SNTA1: variants seen among roughly 807,000 people sequenced by gnomAD.
SNTA1 encodes alpha-1-syntrophin.
A neutral mutation model predicts 47.1 loss-of-function variants in SNTA1; 31 were observed. The observed-to-expected ratio is 0.66, with a 90% CI of 0.49 to 0.89. The LOEUF (loss-of-function observed/expected upper bound fraction) is 0.89. Ranked by LOEUF, SNTA1 falls within the 40% of genes least tolerant of loss-of-function variation. SNTA1 has a pLI of 0.00. For missense variants in SNTA1, 575 were observed against 693.0 expected, an observed-to-expected ratio of 0.83 and a Z score of 1.91; for synonymous variants, 300 against 313.6, an observed-to-expected ratio of 0.96 and a Z score of 0.46.
chr20:33,424,567 G>T (rs1990116665), intron 2 of SNTA1, among the ~76,000 whole-genome samples: 1 of 151,898 alleles, frequency 6.6e-6, no homozygotes, highest in Admixed American at 6.6e-5. Flanking sequence ...AGGCTGGAGT[G>T]CGGTGGTATG....
At chr20:33,442,843 C>T (rs1990610024) in intron 1 of SNTA1, among the ~76,000 whole-genome samples, 1 of 152,084 alleles carries the variant, frequency 6.6e-6, no homozygotes, top group South Asian at 2.1e-4. Context: ...CCAGCCTGTG[C>T]CTGCACCCAG....
At chr20:33,413,827 G>T (rs1231800710) in intron 3 of SNTA1, among the ~76,000 whole-genome samples, 25 of 152,136 alleles carry the variant, frequency 1.6e-4, no homozygotes, top group African/African-American at 5.8e-4. Flanking sequence ...TATAGTCCCA[G>T]CTACTTAGAG....
chr20:33,412,265 GGGGA>G (rs770285008), intron 5 of SNTA1, 27 bp downstream of exon 5: 1 of 1,601,032 alleles, frequency 6.2e-7, no homozygotes, highest in South Asian at 1.1e-5. Flanking sequence ...GCAAGTTCTG[GGGGA>G]GACATACTGC....
At chr20:33,418,686 G>C (rs568673940) in intron 2 of SNTA1, among the ~76,000 whole-genome samples, 1 of 151,392 alleles carries the variant, frequency 6.6e-6, no homozygotes, top group South Asian at 2.1e-4. Context: ...CCAGCTACTG[G>C]GGAGGCTGAG....
rs73270032 is a variant in SNTA1 at position 33,425,568 on chromosome 20, G to A, written c.497-7645C>T. On this transcript the variant is annotated intron_variant, in intron 2 of 7. Transcript: ENST00000217381. The stretch of plus-strand genomic sequence containing the variant: ...TCCTACCTACTAGGGAGGCTGAGAT[G>A]GGAGAATTACTTGAGCCTGGAAGGC... Among the ~76,000 whole-genome samples, 415 of 151,598 alleles carry A rather than the reference G, an allele frequency of 2.7e-3. 2 individuals carry two copies. Among genetic ancestry groups the A allele is most frequent in the African/African-American group, 9.5e-3 (392 of 41,110 alleles).
intron 2 of SNTA1, among the ~76,000 whole-genome samples, chr20:33,436,991 G>A (rs1010458814): frequency 6.9e-5 from 10 of 145,492 alleles, no homozygotes; most frequent in Non-Finnish European, 1.4e-4. Flanking sequence ...AAAGCTAGGC[G>A]CAGGGGCTCA....
intron 2 of SNTA1, among the ~76,000 whole-genome samples, chr20:33,419,350 C>T (rs1194383846): frequency 6.6e-6 from 1 of 152,144 alleles, no homozygotes; most frequent in Non-Finnish European, 1.5e-5. Flanking sequence ...GGCCCACCTC[C>T]CTGGAAGAAC....
chr20:33,430,397 T>G (rs940947715), intron 2 of SNTA1, among the ~76,000 whole-genome samples: 5 of 149,434 alleles, frequency 3.3e-5, no homozygotes, highest in Non-Finnish European at 1.5e-5. Flanking sequence ...CAAGCAATTC[T>G]CCTGCCTCAG....
chr20:33,431,947 A>G (rs536909924), intron 2 of SNTA1, among the ~76,000 whole-genome samples: 1 of 152,320 alleles, frequency 6.6e-6, no homozygotes, highest in African/African-American at 2.4e-5. Context: ...AGACATTTTA[A>G]TCAAGGTCCG....
chr20:33,414,259 A>C (rs1184602305), intron 3 of SNTA1, among the ~76,000 whole-genome samples: 3 of 139,802 alleles, frequency 2.1e-5, no homozygotes, highest in East Asian at 2.2e-4. Context: ...AAAAAAAAAA[A>C]AAAAAAAAAA....
At chr20:33,430,535 CA>C (rs1329903778) in intron 2 of SNTA1, among the ~76,000 whole-genome samples, 1 of 151,766 alleles carries the variant, frequency 6.6e-6, no homozygotes, top group Non-Finnish European at 1.5e-5. Context: ...CTCAGCCTCC[CA>C]AAGTGCTGGG....
chr20:33,416,515 T>G lies in SNTA1; in HGVS notation c.701+1204A>C, dbSNP rs377058917. Reference sequence around the variant, plus strand: ...CCCCTCTCTGTCCTCATCTATAAAATGGAGGTGAGCCGGGAACGATGGCTC... The same window carrying G: ...CCCCTCTCTGTCCTCATCTATAAAAGGGAGGTGAGCCGGGAACGATGGCTC... On this transcript the variant is annotated intron_variant, in intron 3 of 7. Coordinates refer to ENST00000217381, the MANE Select transcript of SNTA1 (RefSeq NM_003098.3). Among the ~76,000 whole-genome samples, 8 of 152,164 alleles carry G rather than the reference T, an allele frequency of 5.3e-5. No homozygotes were observed. The South Asian group carries it at 1.4e-3, about 28-fold the overall frequency.
At chr20:33,418,486 AG>A (rs1483585032) in intron 2 of SNTA1, among the ~76,000 whole-genome samples, 1 of 152,040 alleles carries the variant, frequency 6.6e-6, no homozygotes, top group Non-Finnish European at 1.5e-5. Context: ...AGTGTATACA[AG>A]AAGGTGGTTA....
rs755367335 is a variant in SNTA1 at position 33,412,316 on chromosome 20, A to C, written c.1020T>G (p.Thr340=). ...TREALSRPAR[T]APLIATRLVH... ...GGTACCTGGTGGCGATGAGTGGGGC[A>C]GTACGGGCTGGCCGGCTCAGGGCCT... is the stretch of plus-strand genomic sequence containing the variant. The change falls in exon 5 of 8, where the codon ACT becomes ACG. Residue 340 remains threonine, a synonymous_variant. Coordinates refer to ENST00000217381, the MANE Select transcript of SNTA1 (RefSeq NM_003098.3). The C allele has an allele frequency of 6.2e-7, 1 of 1,612,000 alleles. No homozygotes were observed. Among genetic ancestry groups the C allele is most frequent in the South Asian group, 1.1e-5 (1 of 90,620 alleles).
Position 33,443,600 on chromosome 20 carries a change from G to A in SNTA1, c.21C>T (p.Ala7=). 8.1e-7 allele frequency: 1 copy of A among 1,236,564 alleles called. No individual in the cohort carries two copies. The highest frequency in any genetic ancestry group is 1.0e-6 in the Non-Finnish European group (1 of 989,402). The allele number at this position is 1,236,564 out of a possible 1,614,324, so 76.6% of individuals were successfully genotyped here. ...GCAGCTCCAGCAGCCCGGTGCGCGG[G>A]GCGCGCCTGCCGGACGCCATCTTCG... The part of the protein sequence containing the change: MASGRR[A]PRTGLLELRA... The change falls in exon 1 of 8, where the codon GCC becomes GCT. Residue 7 remains alanine (A), a synonymous_variant. Transcript: ENST00000217381.
rs56186098 is a variant in SNTA1 at position 33,414,245 on chromosome 20, C to CAAAAAAAAAAAAAAA, written c.702-1478_702-1464dup. Among the ~76,000 whole-genome samples the CAAAAAAAAAAAAAAA allele has an allele frequency of 5.5e-4, 16 of 29,264 alleles. 1 individual carries two copies. The highest frequency in any genetic ancestry group is 1.9e-3 in the East Asian group (2 of 1,036). 19.2% of individuals were successfully genotyped at this position (29,264 alleles called of 152,430 possible). On this transcript the variant is annotated intron_variant, in intron 3 of 7. Transcript: ENST00000217381. ...AAAAGCGAAACTCCGTCTCAAAAAC[C>CAAAAAAAAAAAAAAA]AAAAAAAAAAAAAAAAAAAAAAAAA...
intron 3 of SNTA1, among the ~76,000 whole-genome samples, chr20:33,415,683 C>T (rs1031397321): frequency 1.3e-5 from 2 of 151,322 alleles, no homozygotes; most frequent in South Asian, 2.1e-4. Flanking sequence ...CCCAGCTACT[C>T]AGGAGGCTGA....
At chr20:33,414,245 CAAAAA>C (rs56186098) in intron 3 of SNTA1, among the ~76,000 whole-genome samples, 178 of 29,258 alleles carry the variant, frequency 6.1e-3, no homozygotes, top group Non-Finnish European at 7.9e-3. Flanking sequence ...TCTCAAAAAC[CAAAAA>C]AAAAAAAAAA....
chr20:33,418,556 G>T (rs1165079335), intron 2 of SNTA1, among the ~76,000 whole-genome samples: 1 of 151,726 alleles, frequency 6.6e-6, no homozygotes, highest in Non-Finnish European at 1.5e-5. Context: ...ACTTTGGGAG[G>T]CCAAGGCGGG....
Sources: allele counts gnomAD v4.1 joint callset (sites outside exome capture counted in the v4.1 genomes callset), GRCh38; gene constraint gnomAD v4.1.1; transcripts MANE v1.5; gene names NCBI Gene and HGNC (gene_info 2026-07-23, HGNC 2026-07-21).